FRAS1: variants seen among roughly 807,000 people sequenced by gnomAD.
FRAS1 encodes the protein extracellular matrix organizing protein FRAS1.
In FRAS1, 290 loss-of-function variants were observed where a neutral mutation model predicts 435.2. The ratio of observed to expected loss-of-function variants is 0.67; its 90% CI spans 0.61 to 0.73. The LOEUF is 0.73. FRAS1 is among the 30% of genes least tolerant of loss of function. FRAS1 has a pLI of 0.00. For missense variants in FRAS1, 4,860 were observed against 5,001.5 expected (o/e 0.97, Z 0.85); for synonymous variants, 1,800 against 1,851.0 (o/e 0.97, Z 0.71).
At chr4:78,229,548 C>T (rs186614834) in intron 2 of FRAS1, among the ~76,000 whole-genome samples, 1 of 152,254 alleles carries the variant, frequency 6.6e-6, no homozygotes, top group African/African-American at 2.4e-5. Flanking sequence ...GTCCCTTAAG[C>T]TTCACAGTCC....
intron 3 of FRAS1, among the ~76,000 whole-genome samples, chr4:78,238,055 A>G (rs1578200742): frequency 6.6e-6 from 1 of 152,156 alleles, no homozygotes; most frequent in African/African-American, 2.4e-5. Context: ...TAACTTCAAC[A>G]TGCATGAACC....
intron 59 of FRAS1, among the ~76,000 whole-genome samples, chr4:78,492,332 G>A (rs539636326): frequency 3.5e-4 from 54 of 152,196 alleles, no homozygotes; most frequent in African/African-American, 8.9e-4. Context: ...GAGCCATATA[G>A]CCAAGACAAT....
chr4:78,202,703 A>T (rs1246589864), intron 2 of FRAS1, among the ~76,000 whole-genome samples: 1 of 152,204 alleles, frequency 6.6e-6, no homozygotes, highest in East Asian at 1.9e-4. Context: ...AAGAAAAAAA[A>T]AATCAGTTTT....
intron 20 of FRAS1, among the ~76,000 whole-genome samples, chr4:78,344,400 G>A (rs1190773002): frequency 6.8e-6 from 1 of 147,788 alleles, no homozygotes; most frequent in Non-Finnish European, 1.5e-5. Flanking sequence ...CTGTCTAACA[G>A]AGGTTAAGTA....
At position 78,083,598 on chromosome 4, in the gene FRAS1, C is replaced by T. The variant is rs1226099570; in HGVS notation, c.108+17582C>T. On this transcript the variant is annotated intron_variant, in intron 2 of 73. Coordinates refer to ENST00000512123, the MANE Select transcript of FRAS1 (RefSeq NM_025074.7). ...AAAAATACTTCGTTATTGTTTAAGA[C>T]ACTTATTTTTCATTACATGCAAGTT... Among the ~76,000 whole-genome samples, 5 of 145,690 alleles carry T rather than the reference C, an allele frequency of 3.4e-5. No individual in the cohort carries two copies. In the East Asian group the frequency reaches 1.0e-3, roughly 30 times the overall value.
At chr4:78,336,507 G>A (rs1730175663) in intron 19 of FRAS1, among the ~76,000 whole-genome samples, 1 of 152,202 alleles carries the variant, frequency 6.6e-6, no homozygotes, top group Non-Finnish European at 1.5e-5. Flanking sequence ...TAGGGAGGAA[G>A]AACTGGGTGT....
Position 78,541,115 on chromosome 4 carries a change from A to C in FRAS1, c.12030A>C (p.Thr4010=), listed in dbSNP as rs1722038556. Residue 4010 remains threonine (T), a synonymous_variant, in exon 74 of 74, where the codon ACA becomes ACC. Coordinates refer to ENST00000512123, the MANE Select transcript of FRAS1 (RefSeq NM_025074.7). ...VRVHNNLQDG[T]EV ...TTCACAACAATTTACAAGATGGAAC[A>C]GAAGTTTAATGGAGGAGACCTATGT... The C allele has an allele frequency of 1.4e-6, 2 of 1,382,554 alleles. No individual in the cohort carries two copies. The highest frequency in any genetic ancestry group is 1.9e-6 in the Non-Finnish European group (2 of 1,059,558). 85.6% of individuals were successfully genotyped at this position (1,382,554 alleles called of 1,614,324 possible). A position where few individuals can be genotyped will look rare whatever the true frequency, so the allele number is the denominator to read the frequency against.
At chr4:78,327,324 A>G (rs1177691155) in intron 18 of FRAS1, among the ~76,000 whole-genome samples, 1 of 152,206 alleles carries the variant, frequency 6.6e-6, no homozygotes, top group Admixed American at 6.5e-5. Context: ...GAGGATTTTG[A>G]TATCTACATC....
intron 15 of FRAS1, among the ~76,000 whole-genome samples, chr4:78,312,059 C>T (rs1207050700): frequency 6.6e-6 from 1 of 151,248 alleles, no homozygotes; most frequent in South Asian, 2.1e-4. Flanking sequence ...TTATTTTTTG[C>T]TTTAAGGTTT....
chr4:78,280,757 T>G (rs1424522773), intron 10 of FRAS1, among the ~76,000 whole-genome samples: 3 of 152,186 alleles, frequency 2.0e-5, no homozygotes, highest in Admixed American at 1.3e-4. Flanking sequence ...AAACTAGCGA[T>G]AACAATAGGA....
At chr4:78,252,305 A>T in intron 4 of FRAS1, 87 bp from the exon 5 acceptor site, 1 of 1,303,892 alleles carries the variant, frequency 7.7e-7, no homozygotes. Context: ...CTTAATTTGG[A>T]TAAGAGAAGA....
chr4:78,484,766 T>C (rs1720118486), intron 58 of FRAS1, among the ~76,000 whole-genome samples: 1 of 152,156 alleles, frequency 6.6e-6, no homozygotes, highest in Non-Finnish European at 1.5e-5. Flanking sequence ...TTCTATTTAG[T>C]GGATAAGGAA....
In FRAS1 at chr4:78,267,298, G is replaced by A. The variant is rs752345568; in HGVS notation, c.847G>A (p.Gly283Arg). Residue 283 changes from glycine (G) to arginine (R), a missense_variant, in exon 9 of 74, where the codon GGG (glycine) becomes AGG (arginine). By Grantham distance (125) the Gly-to-Arg change is moderately radical. Coordinates refer to ENST00000512123, the MANE Select transcript of FRAS1 (RefSeq NM_025074.7). ...QCCEECVSPA[G>R]SCSYDGVVRY... ...CTGTGAGGAATGTGTGTCTCCTGCC[G>A]GGAGCTGCTCCTATGATGGAGTTGT... is the stretch of plus-strand genomic sequence containing the variant. 77 of 1,613,668 alleles carry A rather than the reference G, an allele frequency of 4.8e-5. No homozygotes were observed. The highest frequency in any genetic ancestry group is 2.3e-4 in the South Asian group (21 of 90,996).
At chr4:78,317,005 A>T (rs1323173883) in intron 16 of FRAS1, among the ~76,000 whole-genome samples, 1 of 152,234 alleles carries the variant, frequency 6.6e-6, no homozygotes, top group Non-Finnish European at 1.5e-5. Context: ...TGAATAAAGC[A>T]TGTCACCGTG....
chr4:78,153,892 C>G (rs1262338014), intron 2 of FRAS1, among the ~76,000 whole-genome samples: 1 of 151,958 alleles, frequency 6.6e-6, no homozygotes, highest in African/African-American at 2.4e-5. Flanking sequence ...TGATGTTTAA[C>G]CAAAGTGGAT....
chr4:78,524,978 G>T (rs183031901), intron 69 of FRAS1, among the ~76,000 whole-genome samples: 2 of 152,162 alleles, frequency 1.3e-5, no homozygotes, highest in African/African-American at 4.8e-5. Flanking sequence ...TGGGAAACAG[G>T]GTTCCTGGTA....
At chr4:78,284,586 G>C in intron 13 of FRAS1, 38 bp downstream of exon 13, 2 of 1,573,234 alleles carry the variant, frequency 1.3e-6, no homozygotes, top group South Asian at 2.4e-5. Context: ...GTGGTGGTGT[G>C]TGGGAGATAG....
rs1726409759 is a variant in FRAS1, at chr4:78,267,295, G to T, written c.844G>T (p.Ala282Ser). 1 of 1,613,722 alleles carries T rather than the reference G, an allele frequency of 6.2e-7. No homozygotes were observed. Among genetic ancestry groups the T allele is most frequent in the African/African-American group, 1.3e-5 (1 of 74,906 alleles). Residue 282 changes from alanine (A) to serine (S), a missense_variant, in exon 9 of 74, where the codon GCC (alanine) becomes TCC (serine). Transcript: ENST00000512123. The part of the protein sequence containing the change: ...GQCCEECVSP[A>S]GSCSYDGVVR... ...ATGCTGTGAGGAATGTGTGTCTCCT[G>T]CCGGGAGCTGCTCCTATGATGGAGT...
chr4:78,361,999 T>C (rs989381050), intron 20 of FRAS1, among the ~76,000 whole-genome samples: 2 of 152,200 alleles, frequency 1.3e-5, no homozygotes, highest in Non-Finnish European at 2.9e-5. Flanking sequence ...AGTTTTCACC[T>C]ACAAAGGAAG....
Sources: gnomAD v4.1 joint callset for allele counts (sites outside exome capture counted in the v4.1 genomes callset) on GRCh38, gnomAD v4.1.1 for gene constraint, MANE v1.5 for transcripts, NCBI Gene and HGNC (gene_info 2026-07-23, HGNC 2026-07-21) for gene names.